VASH2: variants seen among roughly 807,000 people sequenced by gnomAD.
VASH2 encodes vasohibin 2.
In VASH2, 28 loss-of-function variants were observed where a neutral mutation model predicts 37.2. The observed-to-expected ratio is 0.75, with a 90% CI of 0.56 to 1.03. The LOEUF (loss-of-function observed/expected upper bound fraction) is 1.03. Ranked by LOEUF, VASH2 falls within the 50% of genes least tolerant of loss-of-function variation. The probability of loss-of-function intolerance (pLI) is 0.00; values close to 1 mark genes in which losing one functional copy is unlikely to be tolerated. For missense variants in VASH2, 419 were observed against 459.1 expected (o/e 0.91, Z 0.80); for synonymous variants, 188 against 174.7 (o/e 1.08, Z -0.60).
In VASH2 at chr1:212,990,837, G is replaced by A. The variant is rs2075851624; in HGVS notation, c.*2253G>A. ...TTGTCATCCTACTTTTATTGCCTAT[G>A]GAATATGCTAATTTCTAAAAAAAAT... On this transcript the variant is annotated 3_prime_UTR_variant, in exon 8 of 8. Transcript: ENST00000517399. 6.6e-6 allele frequency: 1 copy of A among 151,950 alleles called. No homozygotes were observed. Among genetic ancestry groups the A allele is most frequent in the East Asian group, 1.9e-4 (1 of 5,190 alleles). 9.4% of individuals were successfully genotyped at this position (151,950 alleles called of 1,614,324 possible).
At chr1:212,966,020 G>C in intron 4 of VASH2, 1 of 599,988 alleles carries the variant, frequency 1.7e-6, no homozygotes, top group Non-Finnish European at 2.9e-6. Flanking sequence ...TCTGCCTCTC[G>C]AGGCTTCATT....
rs1176924651 is a variant in VASH2, at chr1:212,971,794, C to T, written c.498-786C>T. On this transcript the variant is annotated intron_variant, in intron 5 of 7. Coordinates refer to ENST00000517399, the MANE Select transcript of VASH2 (RefSeq NM_001301056.2). This position sits in a 1 kb window ranked among gnomAD's most constrained non-coding sequence, Gnocchi z 4.0. Reference sequence around the variant, plus strand: ...AGGGCACTTGGATTAGCTCTGGCACCGAGAGCAGCCCTTTTAAGTGTAAGG... The same window carrying T: ...AGGGCACTTGGATTAGCTCTGGCACTGAGAGCAGCCCTTTTAAGTGTAAGG... 2.0e-5 allele frequency among the ~76,000 whole-genome samples: 3 copies of T among 151,940 alleles called. No individual in the cohort carries two copies. Among genetic ancestry groups the T allele is most frequent in the Non-Finnish European group, 4.4e-5 (3 of 67,996 alleles).
In VASH2 at chr1:212,972,158, C is replaced by T. The variant is rs771407372; in HGVS notation, c.498-422C>T. Among the ~76,000 whole-genome samples the T allele has an allele frequency of 9.2e-5, 14 of 151,998 alleles. 1 individual carries two copies. Among genetic ancestry groups the T allele is most frequent in the Admixed American group, 4.6e-4 (7 of 15,262 alleles). On this transcript the variant is annotated intron_variant, in intron 5 of 7. Transcript: ENST00000517399. ...AAAGCCTTTACCAATTGACTTGGGG[C>T]GGGGCAGGGAGCAAGAATACCTAAG... is the stretch of plus-strand genomic sequence containing the variant.
chr1:212,972,507 CTT>C, intron 5 of VASH2, 71 bp from the exon 6 acceptor site: 2 of 1,568,624 alleles, frequency 1.3e-6, no homozygotes, highest in Non-Finnish European at 1.7e-6. Context: ...CCCTGAGACA[CTT>C]TCCCTTCCTT....
At chr1:212,956,483 T>C (rs909799568) in intron 2 of VASH2, among the ~76,000 whole-genome samples, 23 of 151,982 alleles carry the variant, frequency 1.5e-4, no homozygotes, top group African/African-American at 5.6e-4. Flanking sequence ...GGTGAGACCG[T>C]TGAGGGGAAG....
rs2075821385 is a variant in VASH2, at chr1:212,988,496, T to C, written c.996-16T>C. The stretch of plus-strand genomic sequence containing the variant: ...CATCCCCTCTCCTCCACCATATTTC[T>C]GTCTTTTACCCTTAGGCCTGCACTG... On this transcript the variant is annotated splice_polypyrimidine_tract_variant and intron_variant, in intron 7 of 7. Transcript: ENST00000517399. 1 of 1,613,824 alleles carries C rather than the reference T, an allele frequency of 6.2e-7. No individual in the cohort carries two copies. The highest frequency in any genetic ancestry group is 1.7e-5 in the Admixed American group (1 of 60,004).
intron 2 of VASH2, among the ~76,000 whole-genome samples, chr1:212,954,802 A>G (rs1169149285): frequency 6.6e-6 from 1 of 152,224 alleles, no homozygotes; most frequent in Non-Finnish European, 1.5e-5. Context: ...CTTCCAAGCC[A>G]GGAATCCCCA....
rs1308246195 is a variant in VASH2 at position 212,988,520 on chromosome 1, T to G, written c.1004T>G (p.Leu335Arg). ...CTGTCTTTTACCCTTAGGCCTGCAC[T>G]GCCTGAAAAGAAGGTGGCTGATCTG... Reference protein sequence around the residue: ...RLGRREKSPALPEKKVADLST... With the variant: ...RLGRREKSPARPEKKVADLST... Residue 335 changes from leucine to arginine, a missense_variant, in exon 8 of 8, where the codon CTG becomes CGG. This residue lies in a region of VASH2 where 177 missense variants were observed against 166.2 expected (regional missense o/e 1.06). Transcript: ENST00000517399. The G allele has an allele frequency of 1.2e-6, 2 of 1,614,138 alleles. No individual in the cohort carries two copies. Among genetic ancestry groups the G allele is most frequent in the South Asian group, 2.2e-5 (2 of 91,086 alleles).
In VASH2 at chr1:212,959,580, A is replaced by G. The variant is rs373927240; in HGVS notation, c.277-1586A>G. ...AAGCCAAGAGAGAATTGAGGCAGTG[A>G]GAGGAAAGGAATGTCAAGGAGTACT... On this transcript the variant is annotated intron_variant, in intron 2 of 7. Coordinates refer to ENST00000517399, the MANE Select transcript of VASH2 (RefSeq NM_001301056.2). Among the ~76,000 whole-genome samples, 163 of 152,350 alleles carry G rather than the reference A, an allele frequency of 1.1e-3. 3 individuals are homozygous for G. The South Asian group carries it at 0.033, about 31-fold the overall frequency.
intron 5 of VASH2, chr1:212,967,297 A>C (rs1296411580): frequency 8.0e-7 from 1 of 1,256,394 alleles, no homozygotes; most frequent in Non-Finnish European, 1.0e-6. Flanking sequence ...TATACATTCG[A>C]GCATCATGCC....
chr1:212,984,708 A>G (rs139551557), intron 7 of VASH2, among the ~76,000 whole-genome samples: 4 of 152,362 alleles, frequency 2.6e-5, no homozygotes, highest in African/African-American at 9.6e-5. Flanking sequence ...AGGTCCTACA[A>G]GGACCATGGA....
chr1:212,966,454 CCTT>C, intron 5 of VASH2, 109 bp downstream of exon 5: 13 of 919,718 alleles, frequency 1.4e-5, no homozygotes, highest in Non-Finnish European at 2.2e-5. Context: ...CCCATTATCT[CCTT>C]TGAGGAAAGT....
chr1:212,968,847 C>T, intron 5 of VASH2: 1 of 985,478 alleles, frequency 1.0e-6, no homozygotes, highest in Non-Finnish European at 1.2e-6. Flanking sequence ...ATGGGGTAGA[C>T]AAGCTAACTT....
At chr1:212,958,005 G>A (rs1666548947) in intron 2 of VASH2, among the ~76,000 whole-genome samples, 1 of 152,222 alleles carries the variant, frequency 6.6e-6, no homozygotes, top group African/African-American at 2.4e-5. Flanking sequence ...GGAAGTAGGT[G>A]ATACTATTCC....
chr1:212,975,210 G>T (rs915790551), intron 7 of VASH2, among the ~76,000 whole-genome samples: 2 of 152,184 alleles, frequency 1.3e-5, no homozygotes, highest in East Asian at 3.8e-4. Flanking sequence ...GTCGGGGAAG[G>T]TTCTGTTTTC....
chr1:212,966,485 C>T (rs1456719029), intron 5 of VASH2, 140 bp downstream of exon 5: 1 of 717,318 alleles, frequency 1.4e-6, no homozygotes, highest in Admixed American at 2.4e-5. Context: ...TCCTCTGGTT[C>T]ATCTCTTTAA....
intron 7 of VASH2, among the ~76,000 whole-genome samples, chr1:212,982,956 G>A (rs59635750): frequency 0.046 from 6,978 of 152,186 alleles, 244 homozygotes; most frequent in East Asian, 0.099. Context: ...ACTCCAATAC[G>A]GAAAATAAAT....
At chr1:212,987,258 CTTTTTT>C (rs148744740) in intron 7 of VASH2, among the ~76,000 whole-genome samples, 1 of 140,294 alleles carries the variant, frequency 7.1e-6, no homozygotes, top group African/African-American at 2.6e-5. Context: ...TCTTTTTGGT[CTTTTTT>C]TTTTTTTTTA....
intron 2 of VASH2, among the ~76,000 whole-genome samples, chr1:212,960,074 CCAAACCGTGCCTGGCTTTT>C (rs1426147340): frequency 5.3e-5 from 8 of 152,184 alleles, no homozygotes; most frequent in African/African-American, 1.9e-4. Context: ...CAAGAAAACC[CCAAACCGTGCCTGGCTTTT>C]CAGCAGCGAC....
Sources: gnomAD v4.1 joint callset for allele counts (sites outside exome capture counted in the v4.1 genomes callset) on GRCh38, gnomAD v4.1.1 for gene constraint, gnomAD v4.1.1 regional missense constraint, Gnocchi (gnomAD v3.1) non-coding constraint, MANE v1.5 for transcripts, NCBI Gene and HGNC (gene_info 2026-07-23, HGNC 2026-07-21) for gene names.